Variants in DDX21 observed in about 807,000 individuals in gnomAD.
The protein encoded by DDX21 is nucleolar RNA helicase 2.
Under a neutral mutation model 90.0 loss-of-function variants are expected in DDX21, and 18 were observed. The ratio of observed to expected loss-of-function variants is 0.20; its 90% CI spans 0.14 to 0.30. DDX21 has a LOEUF of 0.30. Among genes scored for constraint, DDX21 ranks in the 10% least tolerant of loss-of-function variants. The probability of loss-of-function intolerance (pLI) is 1.00; values close to 1 mark genes in which losing one functional copy is unlikely to be tolerated. For missense variants in DDX21, 673 were observed against 944.5 expected (o/e 0.71, Z 3.77); for synonymous variants, 294 against 318.0 (o/e 0.92, Z 0.80).
intron 2 of DDX21, 25 bp from the exon 3 acceptor site, chr10:68,962,057 C>A (rs1157029511): frequency 1.3e-6 from 2 of 1,573,064 alleles, no homozygotes; most frequent in Non-Finnish European, 1.7e-6. Flanking sequence ...TTATTGATTT[C>A]TTTCTATGGC....
At chr10:68,964,709 G>A (rs1465837885) in intron 4 of DDX21, among the ~76,000 whole-genome samples, 1 of 137,810 alleles carries the variant, frequency 7.3e-6, no homozygotes, top group African/African-American at 2.7e-5. Flanking sequence ...TGTCGCCCAG[G>A]TTGGAGTGCG....
intron 4 of DDX21, 33 bp downstream of exon 4, chr10:68,963,502 G>C (rs2132081661): frequency 6.4e-7 from 1 of 1,565,918 alleles, no homozygotes; most frequent in South Asian, 1.2e-5. Context: ...CTCTCAGTCA[G>C]CATAGGAAAA....
At chr10:68,965,781 A>G (rs192689277) in intron 5 of DDX21, among the ~76,000 whole-genome samples, 1 of 151,132 alleles carries the variant, frequency 6.6e-6, no homozygotes. Flanking sequence ...AGGAAATAGG[A>G]AGTCAGAATT....
intron 5 of DDX21, among the ~76,000 whole-genome samples, chr10:68,966,617 A>G (rs541365950): frequency 6.6e-6 from 1 of 151,418 alleles, no homozygotes; most frequent in East Asian, 2.0e-4. Flanking sequence ...TAATTTTTGT[A>G]GTTTTAGTAA....
chr10:68,962,241 G>C, intron 3 of DDX21, 84 bp downstream of exon 3: 5 of 1,044,710 alleles, frequency 4.8e-6, no homozygotes, highest in Non-Finnish European at 2.9e-6. Flanking sequence ...GATGAACCAG[G>C]ATGTATTCTT....
At position 68,977,586 on chromosome 10, in the gene DDX21, G is replaced by T; in HGVS notation, c.1800G>T (p.Lys600Asn). The change falls in exon 12 of 15, where the codon AAG (lysine) becomes AAT (asparagine). Residue 600 changes from lysine to asparagine, a missense_variant. Around this residue, in one of 4 missense-constraint regions of DDX21, gnomAD observed 225 missense variants for 298.8 expected, o/e 0.75. Coordinates refer to ENST00000354185, the MANE Select transcript of DDX21 (RefSeq NM_004728.4). ...AISHFKQSAE[K>N]LIEEKGAVEA... ...GTCACTTCAAACAATCAGCTGAGAA[G>T]CTGATAGAGGAGAAGGGAGCTGTGG... 5.0e-6 allele frequency: 8 copies of T among 1,613,764 alleles called. No individual in the cohort carries two copies. Among genetic ancestry groups the T allele is most frequent in the Non-Finnish European group, 6.8e-6 (8 of 1,179,738 alleles).
At chr10:68,974,344 G>A (rs1843066003) in intron 10 of DDX21, among the ~76,000 whole-genome samples, 1 of 152,110 alleles carries the variant, frequency 6.6e-6, no homozygotes, top group African/African-American at 2.4e-5. Context: ...CTGTTGACCA[G>A]CACTCCTTAA....
intron 9 of DDX21, among the ~76,000 whole-genome samples, 186 bp from the exon 10 acceptor site, chr10:68,973,359 A>G (rs1428718056): frequency 6.6e-6 from 1 of 152,134 alleles, no homozygotes; most frequent in African/African-American, 2.4e-5. Flanking sequence ...CCTGCAGGAC[A>G]GGGACCATTG....
Position 68,982,930 on chromosome 10 carries a change from T to C in DDX21, c.*118T>C, listed in dbSNP as rs1019909401. The C allele has an allele frequency of 1.6e-6, 2 of 1,276,536 alleles. No homozygotes were observed. The allele number at this position is 1,276,536 out of a possible 1,614,324, so 79.1% of individuals were successfully genotyped here. A position where few individuals can be genotyped will look rare whatever the true frequency, so the allele number is the denominator to read the frequency against. On this transcript the variant is annotated 3_prime_UTR_variant, in exon 15 of 15. Transcript: ENST00000354185. ...TGCCTCCTTTTGACCACTTGCCAAG[T>C]CCCTGTCTCTTTCAGACACAGACAA...
chr10:68,980,512 G>A (rs1358013585), intron 13 of DDX21, among the ~76,000 whole-genome samples: 1 of 152,140 alleles, frequency 6.6e-6, no homozygotes, highest in Non-Finnish European at 1.5e-5. Context: ...TGTAAGCGAA[G>A]ATTCCCATGA....
chr10:68,957,325 T>C (rs993638314), intron 1 of DDX21, among the ~76,000 whole-genome samples: 2 of 151,542 alleles, frequency 1.3e-5, no homozygotes, highest in Non-Finnish European at 3.0e-5. Context: ...AGGCCAGCAG[T>C]GTGCAGTAGT....
intron 4 of DDX21, among the ~76,000 whole-genome samples, chr10:68,964,958 T>G (rs1338993912): frequency 6.6e-6 from 1 of 152,056 alleles, no homozygotes; most frequent in Non-Finnish European, 1.5e-5. Flanking sequence ...TCATGTTTTA[T>G]ATATATATAG....
Position 68,959,903 on chromosome 10 carries a change from C to T in DDX21, c.185C>T (p.Ala62Val). 1 of 1,606,642 alleles carries T rather than the reference C, an allele frequency of 6.2e-7. No individual in the cohort carries two copies. The highest frequency in any genetic ancestry group is 8.5e-7 in the Non-Finnish European group (1 of 1,178,656). Residue 62 changes from alanine to valine, a missense_variant, in exon 2 of 15, where the codon GCA (alanine) becomes GTA (valine). By Grantham distance (64) the Ala-to-Val change is moderately conservative. Around this residue, in one of 4 missense-constraint regions of DDX21, gnomAD observed 204 missense variants for 221.6 expected, o/e 0.92. Coordinates refer to ENST00000354185, the MANE Select transcript of DDX21 (RefSeq NM_004728.4). ...FPKAKQVKKKAEPSEVDMNSP... is the reference protein window; with the variant it reads ...FPKAKQVKKKVEPSEVDMNSP... Reference sequence around the variant, plus strand: ...AAAGCTAAACAAGTTAAAAAGAAAGCAGAGCCTTCTGAAGTTGACATGAAT... The same window carrying T: ...AAAGCTAAACAAGTTAAAAAGAAAGTAGAGCCTTCTGAAGTTGACATGAAT...
chr10:68,966,584 A>C (rs1447568033), intron 5 of DDX21, among the ~76,000 whole-genome samples: 1 of 151,994 alleles, frequency 6.6e-6, no homozygotes, highest in Admixed American at 6.6e-5. Flanking sequence ...CTGGGATTAC[A>C]GGCGCCCACC....
rs1842814672 is a variant in DDX21 at position 68,957,522 on chromosome 10, A to G, written c.87+1210A>G. ...TTGATATGGAGTTCTTACAATAGCAATATTTTAGAATTGTAGGAAGCCGCG... is the reference window on the plus strand; with the variant it reads ...TTGATATGGAGTTCTTACAATAGCAGTATTTTAGAATTGTAGGAAGCCGCG... On this transcript the variant is annotated intron_variant, in intron 1 of 14. Coordinates refer to ENST00000354185, the MANE Select transcript of DDX21 (RefSeq NM_004728.4). Among the ~76,000 whole-genome samples the G allele has an allele frequency of 2.0e-5, 3 of 152,202 alleles. No homozygotes were observed. In the South Asian group the frequency reaches 6.2e-4, roughly 31 times the overall value.
chr10:68,956,352 G>C, intron 1 of DDX21, 40 bp downstream of exon 1: 1 of 1,611,908 alleles, frequency 6.2e-7, no homozygotes, highest in Admixed American at 1.7e-5. Context: ...GACGCTGAAT[G>C]GAGCGGAACC....
At chr10:68,980,960 GA>G (rs199879747) in intron 13 of DDX21, among the ~76,000 whole-genome samples, 7 of 145,322 alleles carry the variant, frequency 4.8e-5, no homozygotes, top group South Asian at 4.3e-4. Flanking sequence ...TCTTAAGAGG[GA>G]AAAAAAAAAG....
At chr10:68,981,135 G>A (rs777856068) in intron 13 of DDX21, among the ~76,000 whole-genome samples, 16 of 152,284 alleles carry the variant, frequency 1.1e-4, no homozygotes, top group Middle Eastern at 6.8e-3. Context: ...TTAGACTATA[G>A]GTTTTAGAGC....
chr10:68,975,124 T>TA (rs765626067), intron 11 of DDX21, among the ~76,000 whole-genome samples: 6 of 152,238 alleles, frequency 3.9e-5, no homozygotes, highest in Non-Finnish European at 7.3e-5. Flanking sequence ...TAGGATATTT[T>TA]AAGGGATAAT....
Sources: gnomAD v4.1 joint callset for allele counts (sites outside exome capture counted in the v4.1 genomes callset) on GRCh38, gnomAD v4.1.1 for gene constraint, gnomAD v4.1.1 regional missense constraint, MANE v1.5 for transcripts, NCBI Gene and HGNC (gene_info 2026-07-23, HGNC 2026-07-21) for gene names.